The following ZNF746 variants were observed in gnomAD, a reference collection of about 807,000 sequenced individuals.
ZNF746 encodes zinc finger protein 746.
In ZNF746, 13 loss-of-function variants were observed where a neutral mutation model predicts 41.0. The observed-to-expected ratio is 0.32, with a 90% CI of 0.21 to 0.50. The LOEUF is 0.50. Among genes scored for constraint, ZNF746 ranks in the 20% least tolerant of loss-of-function variants. ZNF746 has a pLI of 0.98. For missense variants in ZNF746, 811 were observed against 922.9 expected, an observed-to-expected ratio of 0.88 and a Z score of 1.57; for synonymous variants, 424 against 396.2, an observed-to-expected ratio of 1.07 and a Z score of -0.83.
intron 4 of ZNF746, among the ~76,000 whole-genome samples, chr7:149,479,882 A>G (rs1304446148): frequency 6.6e-6 from 1 of 152,188 alleles, no homozygotes; most frequent in Non-Finnish European, 1.5e-5. Flanking sequence ...GCTGGGTGAC[A>G]AGGTGAGACC....
At chr7:149,481,490 T>G (rs1390414671) in intron 4 of ZNF746, among the ~76,000 whole-genome samples, 1 of 152,256 alleles carries the variant, frequency 6.6e-6, no homozygotes, top group African/African-American at 2.4e-5. Flanking sequence ...GACACCTTTT[T>G]TCCTGAATAT....
rs879168454 is a variant in ZNF746, at chr7:149,493,035, G to A, written c.452-63C>T. On this transcript the variant is annotated intron_variant, in intron 3 of 6. Transcript: ENST00000458143. ...AGTCAAAGCTGGGGACAGTCATCCC[G>A]GAAAACCAACAATGGTCTAGAAATG... is the stretch of plus-strand genomic sequence containing the variant. 297 of 1,104,616 alleles carry A rather than the reference G, an allele frequency of 2.7e-4. 2 individuals carry two copies. The highest frequency in any genetic ancestry group is 2.6e-3 in the South Asian group (194 of 75,238). 68.4% of individuals were successfully genotyped at this position (1,104,616 alleles called of 1,614,324 possible).
At chr7:149,496,341 T>C (rs1272728306) in intron 1 of ZNF746, among the ~76,000 whole-genome samples, 1 of 152,180 alleles carries the variant, frequency 6.6e-6, no homozygotes, top group Non-Finnish European at 1.5e-5. Context: ...AGCTTCTTAC[T>C]GACAAGTGGC....
At chr7:149,478,104 T>G (rs1800372989) in intron 4 of ZNF746, among the ~76,000 whole-genome samples, 1 of 131,288 alleles carries the variant, frequency 7.6e-6, no homozygotes. Context: ...GAACCCCAAG[T>G]CCCCCCAAAA....
intron 4 of ZNF746, among the ~76,000 whole-genome samples, chr7:149,486,722 CTA>C (rs1026756526): frequency 4.6e-5 from 7 of 152,104 alleles, no homozygotes; most frequent in Non-Finnish European, 8.8e-5. Flanking sequence ...GCAAGGGACT[CTA>C]TTTCTGAATT....
chr7:149,478,207 T>C (rs1800377743), intron 4 of ZNF746, among the ~76,000 whole-genome samples: 1 of 150,750 alleles, frequency 6.6e-6, no homozygotes, highest in Non-Finnish European at 1.5e-5. Flanking sequence ...CGAGTTACAG[T>C]GGAAGGCAAG....
chr7:149,490,306 G>A (rs1196336125), intron 4 of ZNF746: 1 of 152,288 alleles, frequency 6.6e-6, no homozygotes, highest in Non-Finnish European at 1.5e-5. Flanking sequence ...AGGAGACACG[G>A]TGTGACTGTG....
Position 149,476,313 on chromosome 7 carries a change from CAAAAAAAAAAAAA to C in ZNF746, c.883+596_883+608del, listed in dbSNP as rs55888950. 9.8e-4 allele frequency among the ~76,000 whole-genome samples: 62 copies of C among 63,332 alleles called. 1 individual carries two copies. The highest frequency in any genetic ancestry group is 3.7e-3 in the African/African-American group (57 of 15,368). The allele number at this position is 63,332 out of a possible 152,430, so 41.5% of individuals were successfully genotyped here. Reference sequence around the variant, plus strand: ...TGGGGGACAGAGTGAGACTCCGCCTCAAAAAAAAAAAAAAAAAAAAAAAAAAAAAAGAATGTGT... The same window carrying C: ...TGGGGGACAGAGTGAGACTCCGCCTCAAAAAAAAAAAAAAAAAGAATGTGT... On this transcript the variant is annotated intron_variant, in intron 6 of 6. Coordinates refer to ENST00000458143, the MANE Select transcript of ZNF746 (RefSeq NM_001394198.1).
chr7:149,493,490 AAGG>A lies in ZNF746; in HGVS notation c.451+496_451+498del, dbSNP rs199712007. 8.4e-3 allele frequency among the ~76,000 whole-genome samples: 1,281 copies of A among 152,294 alleles called. 14 individuals are homozygous for A. Among genetic ancestry groups the A allele is most frequent in the Middle Eastern group, 0.031 (9 of 294 alleles). On this transcript the variant is annotated intron_variant, in intron 3 of 6. Coordinates refer to ENST00000458143, the MANE Select transcript of ZNF746 (RefSeq NM_001394198.1). ...AGGCCCTTCCTGGGCAGGATTAAACAAGGAGAAGAGCAGTAGCCCCAGGGGCTG... is the reference window on the plus strand; with the variant it reads ...AGGCCCTTCCTGGGCAGGATTAAACAAGAAGAGCAGTAGCCCCAGGGGCTG...
At chr7:149,479,861 C>G (rs779650402) in intron 4 of ZNF746, among the ~76,000 whole-genome samples, 2 of 152,018 alleles carry the variant, frequency 1.3e-5, no homozygotes, top group Non-Finnish European at 2.9e-5. Context: ...GTTTGTGCCA[C>G]TACACTTCAG....
chr7:149,475,671 C>G (rs1800277468), intron 6 of ZNF746, among the ~76,000 whole-genome samples, 188 bp from the exon 7 acceptor site: 1 of 152,170 alleles, frequency 6.6e-6, no homozygotes, highest in East Asian at 1.9e-4. Flanking sequence ...TCGAGGACAC[C>G]AGTGTTCTGG....
At chr7:149,483,611 AT>A in intron 4 of ZNF746, among the ~76,000 whole-genome samples, 2 of 152,172 alleles carry the variant, frequency 1.3e-5, no homozygotes, top group South Asian at 2.1e-4. Context: ...GTGTAAAAAA[AT>A]AAAAAAAAAA....
intron 4 of ZNF746, among the ~76,000 whole-genome samples, chr7:149,482,469 T>G (rs1369240490): frequency 6.7e-6 from 1 of 150,284 alleles, no homozygotes; most frequent in African/African-American, 2.4e-5. Context: ...ATTCTAAGGT[T>G]TTTTTTTTTT....
chr7:149,495,584 A>T (rs1800969075), intron 1 of ZNF746, among the ~76,000 whole-genome samples: 1 of 152,232 alleles, frequency 6.6e-6, no homozygotes, highest in African/African-American at 2.4e-5. Context: ...GGACCTGAGG[A>T]TCAACGCCTC....
chr7:149,484,475 C>A (rs1049330644), intron 4 of ZNF746, among the ~76,000 whole-genome samples: 2 of 152,116 alleles, frequency 1.3e-5, no homozygotes, highest in Non-Finnish European at 2.9e-5. Context: ...AAATTCAAGT[C>A]ATTACTGTTA....
Position 149,482,041 on chromosome 7 carries a change from A to C in ZNF746, c.566-4286T>G, listed in dbSNP as rs573362245. On this transcript the variant is annotated intron_variant, in intron 4 of 6. Coordinates refer to ENST00000458143, the MANE Select transcript of ZNF746 (RefSeq NM_001394198.1). The stretch of plus-strand genomic sequence containing the variant: ...CCCAAGATATAAAAAATGTTACTTC[A>C]ACGTATAATCAATATAAAATGATTT... 1.7e-4 allele frequency among the ~76,000 whole-genome samples: 26 copies of C among 152,366 alleles called. No homozygotes were observed. In the East Asian group the frequency reaches 4.6e-3, roughly 27 times the overall value.
chr7:149,496,216 C>T (rs190899435), intron 1 of ZNF746, among the ~76,000 whole-genome samples: 2 of 152,326 alleles, frequency 1.3e-5, no homozygotes, highest in East Asian at 3.9e-4. Context: ...GTCTTTTACT[C>T]ATGGACAACA....
chr7:149,477,932 A>G, intron 4 of ZNF746, 177 bp from the exon 5 acceptor site: 1 of 528,158 alleles, frequency 1.9e-6, no homozygotes, highest in Non-Finnish European at 3.3e-6. Flanking sequence ...GCCTGAGGTC[A>G]CATGGTATTG....
At position 149,473,969 on chromosome 7, in the gene ZNF746, G is replaced by A; in HGVS notation, c.*415C>T. On this transcript the variant is annotated 3_prime_UTR_variant, in exon 7 of 7. Coordinates refer to ENST00000458143, the MANE Select transcript of ZNF746 (RefSeq NM_001394198.1). The stretch of plus-strand genomic sequence containing the variant: ...AGGACCCCATCCCCAGGAGTCAGTG[G>A]GCCAGGGGTCCCCAACTGGCCAACC... 1 of 259,688 alleles carries A rather than the reference G, an allele frequency of 3.9e-6. No individual in the cohort carries two copies. The highest frequency in any genetic ancestry group is 3.8e-5 in the South Asian group (1 of 26,278). 16.1% of individuals were successfully genotyped at this position (259,688 alleles called of 1,614,324 possible). A position where few individuals can be genotyped will look rare whatever the true frequency, so the allele number is the denominator to read the frequency against.
Sources: gnomAD v4.1 joint callset for allele counts (sites outside exome capture counted in the v4.1 genomes callset) on GRCh38, gnomAD v4.1.1 for gene constraint, MANE v1.5 for transcripts, NCBI Gene and HGNC (gene_info 2026-07-23, HGNC 2026-07-21) for gene names.